RBPJ: variants seen among roughly 807,000 people sequenced by gnomAD.
The protein encoded by RBPJ is recombining binding protein suppressor of hairless.
RBPJ carries 9 observed loss-of-function variants against 67.8 expected under a neutral mutation model. The observed-to-expected ratio is 0.13, with a 90% confidence interval of 0.08 to 0.23. The LOEUF is 0.23. Ranked by LOEUF, RBPJ falls within the 10% of genes least tolerant of loss-of-function variation. The pLI, the probability that RBPJ is intolerant of heterozygous loss-of-function variation, is 1.00. For synonymous variants in RBPJ, 198 were observed against 203.3 expected (o/e 0.97, Z 0.22); for missense variants, 305 against 595.6 (o/e 0.51, Z 5.08).
At chr4:26,217,062 A>G (rs1718745255) in intron 1 of RBPJ, among the ~76,000 whole-genome samples, 1 of 152,136 alleles carries the variant, frequency 6.6e-6, no homozygotes, top group African/African-American at 2.4e-5. Flanking sequence ...TTCTAGGCAA[A>G]ACATGGAGGT....
intron 1 of RBPJ, among the ~76,000 whole-genome samples, chr4:26,373,914 A>ATTTTTTTT (rs1729422567): frequency 1.0e-5 from 1 of 100,338 alleles, no homozygotes. Flanking sequence ...TTTATTTTTT[A>ATTTTTTTT]CTTTTTTTTT....
chr4:26,114,501 A>ATATATATATATATATG, the RBPJ span, among the ~76,000 whole-genome samples: 1 of 144,658 alleles, frequency 6.9e-6, no homozygotes, highest in African/African-American at 2.7e-5. Flanking sequence ...ATATATATGT[A>ATATATATATATATATG]TGTGTGTGTG....
chr4:26,398,070 T>TTGTGTGTG (rs10535928), intron 2 of RBPJ, among the ~76,000 whole-genome samples: 20 of 150,746 alleles, frequency 1.3e-4, no homozygotes, highest in African/African-American at 4.9e-4. Context: ...ACGAGTGATA[T>TTGTGTGTG]TGTGTGTGTG....
chr4:26,169,663 C>T (rs1358852136), intron 1 of RBPJ, among the ~76,000 whole-genome samples: 8 of 152,232 alleles, frequency 5.3e-5, no homozygotes, highest in Admixed American at 5.2e-4. Flanking sequence ...TTTGTCTGTG[C>T]CCTGCCCCCA....
chr4:26,420,859 T>G, intron 5 of RBPJ, 134 bp downstream of exon 5: 1 of 698,666 alleles, frequency 1.4e-6, no homozygotes. Flanking sequence ...CTTTATTGTC[T>G]CTCTTTTTTT....
Position 26,431,757 on chromosome 4 carries a change from C to T in RBPJ, c.*750C>T, listed in dbSNP as rs1424760396. The T allele has an allele frequency of 6.6e-6, 1 of 152,022 alleles. No homozygotes were observed. Among genetic ancestry groups the T allele is most frequent in the Non-Finnish European group, 1.5e-5 (1 of 67,992 alleles). 9.4% of individuals were successfully genotyped at this position (152,022 alleles called of 1,614,324 possible). ...CTTTAAAAAAATGCCTCTGCCTTGC[C>T]TGCAATACATGCAATGTATGTTAAC... On this transcript the variant is annotated 3_prime_UTR_variant, in exon 11 of 11. Transcript: ENST00000355476.
chr4:26,269,206 AT>A (rs1264665080), intron 1 of RBPJ, among the ~76,000 whole-genome samples: 1 of 148,672 alleles, frequency 6.7e-6, no homozygotes, highest in Admixed American at 6.7e-5. Context: ...CTATTATTTT[AT>A]TTTATTTATT....
Position 26,382,854 on chromosome 4 carries a change from G to C in RBPJ, c.21-3499G>C, listed in dbSNP as rs969716244. Among the ~76,000 whole-genome samples, 3 of 152,240 alleles carry C rather than the reference G, an allele frequency of 2.0e-5. No homozygotes were observed. In the East Asian group the frequency reaches 5.8e-4, roughly 29 times the overall value. On this transcript the variant is annotated intron_variant, in intron 1 of 10. Transcript: ENST00000355476. ...TTGCGCCCAGCTAAAATTATGCATT[G>C]TCAACCTGCCTCATTCCTTTTGAGT...
At chr4:26,227,702 T>A (rs7663434) in intron 1 of RBPJ, among the ~76,000 whole-genome samples, 23,116 of 152,244 alleles carry the variant, frequency 0.15, 1,969 homozygotes, top group Non-Finnish European at 0.19. Context: ...TTTGGAGAAC[T>A]CCCTCTCAGA....
intron 1 of RBPJ, chr4:26,272,599 A>G (rs1300532655): frequency 2.4e-6 from 1 of 416,674 alleles, no homozygotes; most frequent in Non-Finnish European, 4.7e-6. Flanking sequence ...TAAATAAAAA[A>G]TAAATAAAAA....
chr4:26,124,450 ATATATATATATAC>A, the RBPJ span, among the ~76,000 whole-genome samples: 2 of 113,222 alleles, frequency 1.8e-5, no homozygotes, highest in African/African-American at 6.6e-5. Context: ...ATATATATAT[ATATATATATATAC>A]CAGTTTCTTT....
chr4:26,187,076 G>A (rs1314664760), intron 1 of RBPJ, among the ~76,000 whole-genome samples: 2 of 152,070 alleles, frequency 1.3e-5, no homozygotes, highest in Non-Finnish European at 2.9e-5. Context: ...CAAAAAATTA[G>A]CTGGGTGTGG....
At chr4:26,327,037 G>T (rs569944421) in intron 1 of RBPJ, among the ~76,000 whole-genome samples, 1 of 152,162 alleles carries the variant, frequency 6.6e-6, no homozygotes, top group East Asian at 1.9e-4. Context: ...CTCTGCTTGG[G>T]CAGCTGTAAC....
chr4:26,135,377 C>G, the RBPJ span, among the ~76,000 whole-genome samples: 4 of 152,062 alleles, frequency 2.6e-5, no homozygotes, highest in African/African-American at 9.7e-5. Flanking sequence ...GATGAGAAAG[C>G]TGAGGATGAT....
the RBPJ span, among the ~76,000 whole-genome samples, chr4:26,155,150 T>C: frequency 6.6e-6 from 1 of 152,218 alleles, no homozygotes; most frequent in East Asian, 1.9e-4. Flanking sequence ...AAAGGAGGGG[T>C]GAATACCTGT....
At chr4:26,370,060 A>G (rs1350761783) in intron 1 of RBPJ, among the ~76,000 whole-genome samples, 1 of 152,194 alleles carries the variant, frequency 6.6e-6, no homozygotes, top group Non-Finnish European at 1.5e-5. Flanking sequence ...GAATAGCATA[A>G]ATCTTAGATC....
At chr4:26,334,114 C>G (rs1724553472) in intron 1 of RBPJ, among the ~76,000 whole-genome samples, 1 of 151,552 alleles carries the variant, frequency 6.6e-6, no homozygotes, top group Non-Finnish European at 1.5e-5. Flanking sequence ...TATCCTGGCT[C>G]ACTGCAACCT....
At chr4:26,127,969 T>C in the RBPJ span, among the ~76,000 whole-genome samples, 2 of 152,218 alleles carry the variant, frequency 1.3e-5, no homozygotes, top group African/African-American at 2.4e-5. Flanking sequence ...CTGGTGTCAG[T>C]GGGTTCTCTG....
chr4:26,258,329 G>A (rs16878214), intron 1 of RBPJ, among the ~76,000 whole-genome samples: 14,188 of 152,126 alleles, frequency 0.093, 2,087 homozygotes, highest in African/African-American at 0.31. Flanking sequence ...CTTCACCTCT[G>A]TATTTTCCAC....
Sources: gnomAD v4.1 joint callset for allele counts (sites outside exome capture counted in the v4.1 genomes callset) on GRCh38, gnomAD v4.1.1 for gene constraint, MANE v1.5 for transcripts, NCBI Gene and HGNC (gene_info 2026-07-23, HGNC 2026-07-21) for gene names.